NAV1: variants seen among roughly 807,000 people sequenced by gnomAD.
NAV1 encodes pore membrane and/or filament interacting like protein 3.
Under a neutral mutation model 175.2 loss-of-function variants are expected in NAV1, and 18 were observed. The ratio of observed to expected loss-of-function variants is 0.10; its 90% CI spans 0.07 to 0.15. The LOEUF (loss-of-function observed/expected upper bound fraction) is 0.15. Among genes scored for constraint, NAV1 ranks in the 10% least tolerant of loss-of-function variants. The pLI is 1.00. For missense variants in NAV1, 1,731 were observed against 2,436.6 expected (o/e 0.71, Z 6.10); for synonymous variants, 897 against 978.7 (o/e 0.92, Z 1.56).
intron 1 of NAV1, among the ~76,000 whole-genome samples, chr1:201,677,730 C>T (rs1462701543): frequency 2.0e-5 from 3 of 152,266 alleles, no homozygotes; most frequent in South Asian, 4.1e-4. Flanking sequence ...CAGGCATGGG[C>T]GACACTCCCA....
rs560006634 is a variant in NAV1, at chr1:201,768,101, G to A, written c.1227-12320G>A. Among the ~76,000 whole-genome samples, 8 of 152,182 alleles carry A rather than the reference G, an allele frequency of 5.3e-5. No individual in the cohort carries two copies. The East Asian group carries it at 1.5e-3, about 29-fold the overall frequency. On this transcript the variant is annotated intron_variant, in intron 3 of 29. Coordinates refer to ENST00000367296, the Ensembl canonical transcript of NAV1. ...ACACTTTGGGAGGCTGAGGGAGGCGGATCACCTGAGGTCAGGAGTTCGAGA... is the reference window on the plus strand; with the variant it reads ...ACACTTTGGGAGGCTGAGGGAGGCGAATCACCTGAGGTCAGGAGTTCGAGA...
chr1:201,584,846 G>A (rs1361957160), intron 1 of NAV1, among the ~76,000 whole-genome samples: 1 of 152,218 alleles, frequency 6.6e-6, no homozygotes. Context: ...GGAGCAGACA[G>A]CAAAGCAGGG....
At chr1:201,759,476 G>C (rs982994723) in intron 3 of NAV1, among the ~76,000 whole-genome samples, 8 of 152,212 alleles carry the variant, frequency 5.3e-5, no homozygotes, top group African/African-American at 1.9e-4. Flanking sequence ...AATATCGTTT[G>C]GTTGCCTTCT....
In NAV1 at chr1:201,656,262, C is replaced by T. The variant is rs145879139; in HGVS notation, c.757+6837C>T. Among the ~76,000 whole-genome samples the T allele has an allele frequency of 3.0e-3, 450 of 152,342 alleles. 6 individuals carry two copies. Among genetic ancestry groups the T allele is most frequent in the African/African-American group, 0.01 (419 of 41,580 alleles). ...TCCACAGCATCTTCTAATTTCTGGGCGACAGCTTTCACTCTGGGCTTCTCA... is the reference window on the plus strand; with the variant it reads ...TCCACAGCATCTTCTAATTTCTGGGTGACAGCTTTCACTCTGGGCTTCTCA... On this transcript the variant is annotated intron_variant, in intron 1 of 29. Coordinates refer to ENST00000367296, the Ensembl canonical transcript of NAV1.
intron 1 of NAV1, among the ~76,000 whole-genome samples, chr1:201,563,265 C>T (rs1256321246): frequency 2.0e-5 from 3 of 152,264 alleles, no homozygotes; most frequent in Non-Finnish European, 4.4e-5. Context: ...AACAGCCCCT[C>T]GAAGAGCGTC....
chr1:201,773,702 A>ATGCTTT (rs1480397801), intron 3 of NAV1, among the ~76,000 whole-genome samples: 4 of 152,232 alleles, frequency 2.6e-5, no homozygotes, highest in African/African-American at 7.2e-5. Context: ...TTTAGTGGAA[A>ATGCTTT]TAGGGAATGA....
rs768712089 is a variant in NAV1, at chr1:201,793,863, G to T, written c.3393G>T (p.Thr1131=). The T allele has an allele frequency of 4.3e-6, 7 of 1,610,938 alleles. No homozygotes were observed. In the Admixed American group the frequency reaches 1.0e-4, roughly 23 times the overall value. The change falls in exon 14 of 30, where the codon ACG becomes ACT. Residue 1131 remains threonine, a synonymous_variant. Coordinates refer to ENST00000367296, the Ensembl canonical transcript of NAV1. ...CCCGCCTGCGACACCTGGCAGAGAC[G>T]GCCGAGGAGAAGGTGAGAGGCCTGG...
chr1:201,680,644 C>T (rs1214498053), intron 1 of NAV1, among the ~76,000 whole-genome samples: 3 of 152,186 alleles, frequency 2.0e-5, no homozygotes, highest in Admixed American at 2.0e-4. Flanking sequence ...ATGACTCAAA[C>T]CCCTCCCACC....
chr1:201,680,477 G>A (rs1310961134), intron 1 of NAV1, among the ~76,000 whole-genome samples: 4 of 152,048 alleles, frequency 2.6e-5, no homozygotes, highest in Admixed American at 6.6e-5. Flanking sequence ...TTGCACTCCA[G>A]CCTGGGCAAC....
chr1:201,603,060 G>A (rs748241595), intron 2 of NAV1, among the ~76,000 whole-genome samples: 16 of 152,174 alleles, frequency 1.1e-4, no homozygotes, highest in Non-Finnish European at 1.8e-4. Context: ...CCTGCCTGCC[G>A]CCCCAGTCCT....
chr1:201,709,530 A>G (rs1385704880), intron 1 of NAV1, among the ~76,000 whole-genome samples: 5 of 152,206 alleles, frequency 3.3e-5, no homozygotes, highest in South Asian at 4.2e-4. Flanking sequence ...CTGTGGCTGT[A>G]CCACCCCGGG....
chr1:201,760,363 A>G (rs1251953284), intron 3 of NAV1, among the ~76,000 whole-genome samples: 3 of 151,856 alleles, frequency 2.0e-5, no homozygotes, highest in Non-Finnish European at 4.4e-5. Context: ...AATAGATTAA[A>G]CTTTTTTAAA....
intron 1 of NAV1, among the ~76,000 whole-genome samples, chr1:201,567,997 G>A (rs914443608): frequency 3.3e-5 from 5 of 152,012 alleles, no homozygotes; most frequent in African/African-American, 7.2e-5. Flanking sequence ...TCTCCCCTTC[G>A]CCAAGACCCT....
chr1:201,646,515 C>A (rs1484991143), upstream of NAV1, among the ~76,000 whole-genome samples: 1 of 152,146 alleles, frequency 6.6e-6, no homozygotes, highest in African/African-American at 2.4e-5. Flanking sequence ...ATACAAGAGT[C>A]CAGAGTTCCT....
intron 1 of NAV1, among the ~76,000 whole-genome samples, 163 bp from the exon 2 acceptor site, chr1:201,588,376 C>G (rs987486624): frequency 1.3e-5 from 2 of 152,164 alleles, no homozygotes. Context: ...GAGATAGGGT[C>G]TTGCTCTGCT....
At chr1:201,785,473 T>C in intron 8 of NAV1, 122 bp downstream of exon 12, 3 of 1,042,230 alleles carry the variant, frequency 2.9e-6, no homozygotes, top group Non-Finnish European at 4.4e-6. Flanking sequence ...CTGAATCATT[T>C]GTATGTGGTC....
exon 30 of NAV1, chr1:201,823,524 T>C (rs1431254964): frequency 6.6e-6 from 1 of 152,206 alleles, no homozygotes. Context: ...TGTCAATCCT[T>C]AAGTACCCAT....
chr1:201,798,421 A>C (rs1422873678), intron 15 of NAV1: 3 of 152,040 alleles, frequency 2.0e-5, no homozygotes, highest in Non-Finnish European at 4.4e-5. Context: ...CGGGAGGTTC[A>C]CTTTAGGCCA....
chr1:201,804,394 C>A, intron 16 of NAV1, 95 bp from the exon 21 acceptor site: 1 of 1,288,858 alleles, frequency 7.8e-7, no homozygotes, highest in South Asian at 1.3e-5. Flanking sequence ...TTGTATAATG[C>A]AGACAGGTAC....
Sources: allele counts gnomAD v4.1 joint callset (sites outside exome capture counted in the v4.1 genomes callset), GRCh38; gene constraint gnomAD v4.1.1; transcripts MANE v1.5; gene names NCBI Gene and HGNC (gene_info 2026-07-23, HGNC 2026-07-21).